Variants in GCNA observed in about 807,000 individuals in gnomAD.
GCNA encodes germ cell nuclear acidic peptidase, also known as germ cell nuclear acidic protein.
A neutral mutation model predicts 38.8 loss-of-function variants in GCNA; 3 were observed. The ratio of observed to expected loss-of-function variants is 0.08; its 90% CI spans 0.04 to 0.20. The LOEUF (loss-of-function observed/expected upper bound fraction) is 0.20. GCNA is among the 10% of genes least tolerant of loss of function. The pLI is 1.00. For missense variants in GCNA, 446 were observed against 578.6 expected, an observed-to-expected ratio of 0.77 and a Z score of 2.35; for synonymous variants, 195 against 240.2, an observed-to-expected ratio of 0.81 and a Z score of 1.74.
At chrX:71,583,408 C>T (rs371583556) in intron 2 of GCNA, among the ~76,000 whole-genome samples, 3 of 110,749 alleles carry the variant, frequency 2.7e-5, no homozygotes, top group African/African-American at 9.8e-5. Flanking sequence ...CTGGAACTTA[C>T]GAGTTTGAGA....
At position 71,594,346 on chromosome X, in the gene GCNA, C is replaced by T. The variant is rs779084955; in HGVS notation, c.156C>T (p.Val52=). The change falls in exon 5 of 13, where the codon GTC becomes GTT. Residue 52 remains valine (V), a synonymous_variant. Transcript: ENST00000373696. ...ATTTTTGCAGTTGCATCCTTAATGT[C>T]CAGTCAAGGAGTGGTGACACCAGTG... ...PKRQASCILN[V]QSRSGDTSGS... 32 of 1,203,679 alleles carry T rather than the reference C, an allele frequency of 2.7e-5. No homozygotes were observed. Among genetic ancestry groups the T allele is most frequent in the African/African-American group, 7.0e-5 (4 of 56,908 alleles).
At chrX:71,597,687 A>G (rs1262759834) in intron 6 of GCNA, among the ~76,000 whole-genome samples, 1 of 112,232 alleles carries the variant, frequency 8.9e-6, no homozygotes, top group African/African-American at 3.2e-5. Flanking sequence ...GACAGAGCCC[A>G]TTTCACTCTC....
chrX:71,612,770 G>T, intron 12 of GCNA, 92 bp from the exon 13 acceptor site: 1 of 1,140,363 alleles, frequency 8.8e-7, no homozygotes, highest in Non-Finnish European at 1.2e-6. Context: ...CCAGAGAAAA[G>T]TATTGCTTTG....
chrX:71,587,117 G>T (rs2040590975), intron 2 of GCNA, among the ~76,000 whole-genome samples: 1 of 111,285 alleles, frequency 9.0e-6, no homozygotes, highest in South Asian at 3.8e-4. Context: ...GGGGAGACAG[G>T]TCCAAAGTAC....
chrX:71,603,842 C>T lies in GCNA; in HGVS notation c.565C>T (p.Pro189Ser), dbSNP rs143368028. The change falls in exon 8 of 13, where the codon CCC (proline) becomes TCC (serine). Residue 189 changes from proline (P) to serine (S), a missense_variant. Physicochemically the swap from Pro to Ser is moderately conservative, Grantham distance 74. Coordinates refer to ENST00000373696, the MANE Select transcript of GCNA (RefSeq NM_052957.5). ...CGACAATAGTGATGATTCGGATGTT[C>T]CCGACGACAACAGTGATGATTCATC... The part of the protein sequence containing the change: ...PDDNSDDSDV[P>S]DDNSDDSSDD... 9.6e-4 allele frequency: 1,155 copies of T among 1,203,212 alleles called. No individual in the cohort carries two copies. The highest frequency in any genetic ancestry group is 1.3e-3 in the Non-Finnish European group (1,122 of 893,562).
intron 2 of GCNA, among the ~76,000 whole-genome samples, chrX:71,583,816 G>A (rs2040564469): frequency 1.9e-5 from 2 of 105,105 alleles, no homozygotes; most frequent in South Asian, 8.8e-4. Flanking sequence ...TCGTGCCTGA[G>A]CCTCCTGAGT....
chrX:71,579,685 A>G (rs2040531128), intron 1 of GCNA, among the ~76,000 whole-genome samples: 1 of 101,997 alleles, frequency 9.8e-6, no homozygotes, highest in Non-Finnish European at 2.0e-5. Flanking sequence ...GGAGTGGGGT[A>G]GGGCAGAAGT....
rs1224966078 is a variant in GCNA, at chrX:71,603,844, C to T, written c.567C>T (p.Pro189=). The T allele has an allele frequency of 7.5e-6, 9 of 1,205,147 alleles. No individual in the cohort carries two copies. Among genetic ancestry groups the T allele is most frequent in the Middle Eastern group, 2.3e-4 (1 of 4,334 alleles). The change falls in exon 8 of 13, where the codon CCC becomes CCT. Residue 189 remains proline (P), a synonymous_variant. Transcript: ENST00000373696. ...ACAATAGTGATGATTCGGATGTTCC[C>T]GACGACAACAGTGATGATTCATCCG... ...PDDNSDDSDV[P]DDNSDDSSDD...
chrX:71,596,805 A>G (rs1436030535), intron 6 of GCNA, among the ~76,000 whole-genome samples: 1 of 111,528 alleles, frequency 9.0e-6, no homozygotes, highest in Non-Finnish European at 1.9e-5. Context: ...TCTAACAACC[A>G]ACAGAACACA....
At chrX:71,579,235 G>T (rs2040526604) in intron 1 of GCNA, among the ~76,000 whole-genome samples, 1 of 103,790 alleles carries the variant, frequency 9.6e-6, no homozygotes, top group African/African-American at 3.5e-5. Context: ...CCTAGTGGCG[G>T]GTGGGGAGAA....
rs952735978 is a variant in GCNA at position 71,608,104 on chromosome X, G to A, written c.1467-869G>A. 2.7e-5 allele frequency among the ~76,000 whole-genome samples: 3 copies of A among 110,968 alleles called. No individual in the cohort carries two copies. In the South Asian group the frequency reaches 1.2e-3, roughly 43 times the overall value. ...GTGTGATTGGATGAGAAGAGACAGA[G>A]CCTGGAGGTAAGGAACACTGGAGTG... is the stretch of plus-strand genomic sequence containing the variant. On this transcript the variant is annotated intron_variant, in intron 9 of 12. Transcript: ENST00000373696.
At chrX:71,588,526 A>G (rs2040599798) in intron 2 of GCNA, among the ~76,000 whole-genome samples, 1 of 112,239 alleles carries the variant, frequency 8.9e-6, no homozygotes, top group Non-Finnish European at 1.9e-5. Context: ...AGTCTTTTAA[A>G]GTTTTAAAGG....
chrX:71,598,092 A>G, intron 7 of GCNA, 54 bp downstream of exon 7: 1 of 926,959 alleles, frequency 1.1e-6, no homozygotes, highest in Non-Finnish European at 1.6e-6. Context: ...GCCTCATCAC[A>G]CGTGGTACTT....
chrX:71,580,832 G>T lies in GCNA; in HGVS notation c.11G>T (p.Cys4Phe). Residue 4 changes from cysteine to phenylalanine, a missense_variant, in exon 2 of 13, where the codon TGC (cysteine) becomes TTC (phenylalanine). Physicochemically the swap from Cys to Phe is radical, Grantham distance 205. Around this residue, in one of 7 missense-constraint regions of GCNA, gnomAD observed 21 missense variants for 16.5 expected, o/e 1.27. Transcript: ENST00000373696. ...TCTTTCACTACAGACATGGATGGGTGCAAAAAAGAGCTGCCCCGCTTGCAA... is the reference window on the plus strand; with the variant it reads ...TCTTTCACTACAGACATGGATGGGTTCAAAAAAGAGCTGCCCCGCTTGCAA... MDG[C>F]KKELPRLQEP... 1 of 1,202,267 alleles carries T rather than the reference G, an allele frequency of 8.3e-7. No individual in the cohort carries two copies. The highest frequency in any genetic ancestry group is 1.1e-6 in the Non-Finnish European group (1 of 890,305).
chrX:71,599,411 C>T (rs1164291988), intron 7 of GCNA, among the ~76,000 whole-genome samples: 1 of 111,765 alleles, frequency 8.9e-6, no homozygotes, highest in Non-Finnish European at 1.9e-5. Context: ...AAAGGAACTC[C>T]AAGGAGGCAG....
At chrX:71,583,673 T>C (rs1489775340) in intron 2 of GCNA, among the ~76,000 whole-genome samples, 3 of 108,321 alleles carry the variant, frequency 2.8e-5, no homozygotes, top group East Asian at 5.7e-4. Context: ...AGCTATAAAA[T>C]TGGACATACT....
chrX:71,608,457 A>G (rs1015984287), intron 9 of GCNA, among the ~76,000 whole-genome samples: 13 of 111,138 alleles, frequency 1.2e-4, no homozygotes, highest in Non-Finnish European at 2.3e-4. Flanking sequence ...TATTTTTAGT[A>G]GAGACAGGGT....
intron 1 of GCNA, among the ~76,000 whole-genome samples, chrX:71,579,340 C>T (rs1026973703): frequency 1.5e-4 from 11 of 75,629 alleles, no homozygotes; most frequent in Non-Finnish European, 2.5e-4. Context: ...CACATAGTAG[C>T]GCTGGCGGTG....
intron 2 of GCNA, among the ~76,000 whole-genome samples, chrX:71,590,666 G>A (rs1457556845): frequency 9.0e-6 from 1 of 110,831 alleles, no homozygotes; most frequent in Non-Finnish European, 1.9e-5. Flanking sequence ...ATGAAAAGCC[G>A]TAAAGAAGTG....
Sources: gnomAD v4.1 joint callset for allele counts (sites outside exome capture counted in the v4.1 genomes callset) on GRCh38, gnomAD v4.1.1 for gene constraint, gnomAD v4.1.1 regional missense constraint, MANE v1.5 for transcripts, NCBI Gene and HGNC (gene_info 2026-07-23, HGNC 2026-07-21) for gene names.